COLEC11: variants seen among roughly 807,000 people sequenced by gnomAD.
The protein encoded by COLEC11 is collectin-11.
Under a neutral mutation model 27.3 loss-of-function variants are expected in COLEC11, and 20 were observed. The ratio of observed to expected loss-of-function variants is 0.73; its 90% CI spans 0.51 to 1.06. The LOEUF is 1.06. Among genes scored for constraint, COLEC11 ranks in the 50% least tolerant of loss-of-function variants. The probability of loss-of-function intolerance (pLI) is 0.00; values close to 1 mark genes in which losing one functional copy is unlikely to be tolerated. For synonymous variants in COLEC11, 163 were observed against 154.7 expected, an observed-to-expected ratio of 1.05 and a Z score of -0.40; for missense variants, 310 against 383.0, an observed-to-expected ratio of 0.81 and a Z score of 1.59.
chr2:3,611,662 C>T (rs959344992), intron 2 of COLEC11, among the ~76,000 whole-genome samples: 1 of 151,966 alleles, frequency 6.6e-6, no homozygotes, highest in African/African-American at 2.4e-5. Flanking sequence ...GGGCAGCCCA[C>T]AGGCTTTTCA....
At position 3,628,954 on chromosome 2, in the gene COLEC11, A is replaced by G. The variant is rs555380081; in HGVS notation, c.203-8579A>G. On this transcript the variant is annotated intron_variant, in intron 3 of 6. Transcript: ENST00000349077. Reference sequence around the variant, plus strand: ...CCACAGCCAGAAGCTCCTATGGCAGAGAGGGAAGGGATCCAGGGGCATCAG... The same window carrying G: ...CCACAGCCAGAAGCTCCTATGGCAGGGAGGGAAGGGATCCAGGGGCATCAG... Among the ~76,000 whole-genome samples the G allele has an allele frequency of 2.8e-3, 419 of 152,286 alleles. 6 individuals are homozygous for G. The highest frequency in any genetic ancestry group is 0.025 in the Admixed American group (383 of 15,304).
At chr2:3,615,237 C>T (rs960443507) in intron 3 of COLEC11, among the ~76,000 whole-genome samples, 4 of 152,082 alleles carry the variant, frequency 2.6e-5, no homozygotes, top group African/African-American at 9.7e-5. Context: ...GGTCAGCAGA[C>T]AAACAAGTGA....
At chr2:3,598,614 G>A (rs1048097949) in intron 1 of COLEC11, among the ~76,000 whole-genome samples, 3 of 152,180 alleles carry the variant, frequency 2.0e-5, no homozygotes, top group Non-Finnish European at 2.9e-5. Context: ...TCCGCTTTTC[G>A]GTTGCCCTTA....
Position 3,644,241 on chromosome 2 carries a change from T to A in COLEC11, c.*123T>A, listed in dbSNP as rs1666108980. 8.2e-7 allele frequency: 1 copy of A among 1,222,940 alleles called. No individual in the cohort carries two copies. The highest frequency in any genetic ancestry group is 1.2e-6 in the Non-Finnish European group (1 of 849,166). The allele number at this position is 1,222,940 out of a possible 1,614,324, so 75.8% of individuals were successfully genotyped here. ...CTGTGAAGGGTGGAGGCTCACTGAG[T>A]AGAGGGCTGTTGTCTAAACTGAGAA... On this transcript the variant is annotated 3_prime_UTR_variant, in exon 7 of 7. Coordinates refer to ENST00000349077, the MANE Select transcript of COLEC11 (RefSeq NM_024027.5).
At chr2:3,596,900 G>A (rs2147836883) in intron 1 of COLEC11, among the ~76,000 whole-genome samples, 1 of 152,376 alleles carries the variant, frequency 6.6e-6, no homozygotes, top group African/African-American at 2.4e-5. Flanking sequence ...GCGCCTGGGT[G>A]CCCTCACCCT....
intron 2 of COLEC11, among the ~76,000 whole-genome samples, chr2:3,607,621 G>A (rs1662833867): frequency 1.3e-5 from 2 of 151,828 alleles, no homozygotes; most frequent in Admixed American, 1.3e-4. Flanking sequence ...GCTAATTTTT[G>A]TATTTTTAGT....
chr2:3,637,617 C>T lies in COLEC11; in HGVS notation c.274+13C>T, dbSNP rs773055523. 20 of 1,607,744 alleles carry T rather than the reference C, an allele frequency of 1.2e-5. No homozygotes were observed. Among genetic ancestry groups the T allele is most frequent in the Admixed American group, 1.0e-4 (6 of 59,992 alleles). On this transcript the variant is annotated intron_variant, in intron 4 of 6. Coordinates refer to ENST00000349077, the MANE Select transcript of COLEC11 (RefSeq NM_024027.5). ...ATTGGCTCTAAAGGTATTTGCAATG[C>T]GATTCTTGCCTCATTTCCCCCCTGC...
chr2:3,596,046 A>T (rs1661815883), intron 1 of COLEC11, among the ~76,000 whole-genome samples: 1 of 152,148 alleles, frequency 6.6e-6, no homozygotes, highest in Admixed American at 6.5e-5. Flanking sequence ...ATAAGAGAGG[A>T]TAGGTGCCTT....
At chr2:3,604,942 AG>A (rs1165938939) in intron 2 of COLEC11, 3 of 429,184 alleles carry the variant, frequency 7.0e-6, no homozygotes, top group African/African-American at 4.2e-5. Context: ...TCTAGTGGTT[AG>A]GGGAAAAAAA....
At chr2:3,609,457 A>T (rs1186713598) in intron 2 of COLEC11, among the ~76,000 whole-genome samples, 1 of 141,124 alleles carries the variant, frequency 7.1e-6, no homozygotes, top group Non-Finnish European at 1.5e-5. Context: ...GCAGCCTGCA[A>T]CTCCTGGGCT....
At chr2:3,640,399 A>G in intron 5 of COLEC11, 68 bp downstream of exon 5, 1 of 882,090 alleles carries the variant, frequency 1.1e-6, no homozygotes, top group Non-Finnish European at 1.9e-6. Flanking sequence ...AAAACAATGT[A>G]GATCTACACC....
At chr2:3,614,124 C>T (rs114177432) in intron 3 of COLEC11, among the ~76,000 whole-genome samples, 3,593 of 131,994 alleles carry the variant, frequency 0.027, 150 homozygotes, top group African/African-American at 0.089. Context: ...TGTGCTATCA[C>T]ACCCAGCTAA....
intron 3 of COLEC11, among the ~76,000 whole-genome samples, chr2:3,615,291 C>G (rs1358160361): frequency 1.3e-5 from 2 of 152,184 alleles, no homozygotes; most frequent in Non-Finnish European, 2.9e-5. Context: ...CTGCGGCCAT[C>G]CGCAGTGTTT....
intron 3 of COLEC11, among the ~76,000 whole-genome samples, chr2:3,615,212 C>A (rs1663570841): frequency 6.6e-6 from 1 of 151,806 alleles, no homozygotes; most frequent in South Asian, 2.1e-4. Context: ...GGTCATAGGA[C>A]AACAGTGGAG....
At chr2:3,614,039 C>T (rs1011226168) in intron 3 of COLEC11, among the ~76,000 whole-genome samples, 1 of 145,698 alleles carries the variant, frequency 6.9e-6, no homozygotes, top group African/African-American at 2.6e-5. Flanking sequence ...TGCAGTGGCA[C>T]AGTCTTGGCT....
At position 3,595,160 on chromosome 2, in the gene COLEC11, C is replaced by G. The variant is rs1455646254; in HGVS notation, c.-35C>G. ...GGCAGGACGCCCCGTTCGCCTAGCG[C>G]GTGCTCAGGTAGGAGACTCTGCCCG... On this transcript the variant is annotated 5_prime_UTR_variant, in exon 1 of 7. Transcript: ENST00000349077. 1 of 345,418 alleles carries G rather than the reference C, an allele frequency of 2.9e-6. No individual in the cohort carries two copies. The highest frequency in any genetic ancestry group is 2.2e-5 in the African/African-American group (1 of 46,028). The allele number at this position is 345,418 out of a possible 1,614,324, so 21.4% of individuals were successfully genotyped here.
chr2:3,616,525 G>A (rs1162608301), intron 3 of COLEC11, among the ~76,000 whole-genome samples: 2 of 152,238 alleles, frequency 1.3e-5, no homozygotes, highest in East Asian at 3.8e-4. Context: ...GGGAGGCCGA[G>A]GCTGGCAGAT....
chr2:3,634,161 C>G (rs1201262088), intron 3 of COLEC11, among the ~76,000 whole-genome samples: 1 of 152,186 alleles, frequency 6.6e-6, no homozygotes, highest in Non-Finnish European at 1.5e-5. Flanking sequence ...GGTGACGGTG[C>G]TCAGGCCGTG....
At chr2:3,599,828 C>T (rs996974237) in intron 1 of COLEC11, among the ~76,000 whole-genome samples, 1 of 152,202 alleles carries the variant, frequency 6.6e-6, no homozygotes, top group African/African-American at 2.4e-5. Flanking sequence ...TCCCAGCACC[C>T]GTCAGTGGCA....
Sources: gnomAD v4.1 joint callset for allele counts (sites outside exome capture counted in the v4.1 genomes callset) on GRCh38, gnomAD v4.1.1 for gene constraint, MANE v1.5 for transcripts, NCBI Gene and HGNC (gene_info 2026-07-23, HGNC 2026-07-21) for gene names.